The following GCSH variants were observed in gnomAD, a reference collection of about 807,000 sequenced individuals.
GCSH encodes glycine cleavage system protein H, also known as glycine cleavage system H protein, mitochondrial.
Under a neutral mutation model 21.3 loss-of-function variants are expected in GCSH, and 15 were observed. That is an observed-to-expected ratio of 0.70 (90% CI 0.47 to 1.08). The LOEUF (loss-of-function observed/expected upper bound fraction) is 1.08. Among genes scored for constraint, GCSH ranks in the 50% least tolerant of loss-of-function variants. The pLI is 0.00. For synonymous variants in GCSH, 59 were observed against 84.5 expected, an observed-to-expected ratio of 0.70 and a Z score of 1.66; for missense variants, 179 against 217.5, an observed-to-expected ratio of 0.82 and a Z score of 1.11.
At chr16:81,086,903 G>A (rs1373157931) in intron 3 of GCSH, among the ~76,000 whole-genome samples, 1 of 152,160 alleles carries the variant, frequency 6.6e-6, no homozygotes, top group African/African-American at 2.4e-5. Context: ...GTTTATTTAA[G>A]TGTATACATT....
chr16:81,089,031 T>C (rs996928050), intron 2 of GCSH, among the ~76,000 whole-genome samples: 1 of 152,166 alleles, frequency 6.6e-6, no homozygotes, highest in Non-Finnish European at 1.5e-5. Flanking sequence ...CTGGGCCTCA[T>C]AGTAGGTATA....
Position 81,084,470 on chromosome 16 carries a change from A to G in GCSH, c.417T>C (p.Tyr139=), listed in dbSNP as rs773296722. The G allele has an allele frequency of 5.0e-6, 8 of 1,609,302 alleles. No individual in the cohort carries two copies. The highest frequency in any genetic ancestry group is 1.1e-5 in the South Asian group (1 of 90,998). ...ENPGLVNKSC[Y]EDGWLIKMTL... The stretch of plus-strand genomic sequence containing the variant: ...TTTCTAGCAACAGCTTACCATCTTC[A>G]TAACAAGATTTGTTTACAAGTCCTG... Residue 139 remains tyrosine, a synonymous_variant, in exon 4 of 5, where the codon TAT becomes TAC. Coordinates refer to ENST00000315467, the MANE Select transcript of GCSH (RefSeq NM_004483.5).
intron 1 of GCSH, among the ~76,000 whole-genome samples, chr16:81,094,948 C>T (rs1972470785): frequency 1.3e-5 from 2 of 151,956 alleles, no homozygotes. Flanking sequence ...CAAAACTCAG[C>T]TGGAGGTGGT....
At chr16:81,094,784 T>A (rs919208754) in intron 1 of GCSH, among the ~76,000 whole-genome samples, 9 of 150,834 alleles carry the variant, frequency 6.0e-5, no homozygotes, top group African/African-American at 2.2e-4. Context: ...GCAGTCAGTG[T>A]ATCAAACATT....
rs542632695 is a variant in GCSH at position 81,083,827 on chromosome 16, A to G, written c.424+636T>C. 1.2e-4 allele frequency: 19 copies of G among 152,284 alleles called. No individual in the cohort carries two copies. In the East Asian group the frequency reaches 2.5e-3, roughly 20 times the overall value. The allele number at this position is 152,284 out of a possible 1,614,324, so 9.4% of individuals were successfully genotyped here. A position where few individuals can be genotyped will look rare whatever the true frequency, so the allele number is the denominator to read the frequency against. ...AAAACCAAAAATTAATGCAAAATAT[A>G]TATTTTTTTACCTCCCATGTCACAC... On this transcript the variant is annotated intron_variant, in intron 4 of 4. Coordinates refer to ENST00000315467, the MANE Select transcript of GCSH (RefSeq NM_004483.5).
chr16:81,087,210 C>T (rs1473477700), intron 3 of GCSH, among the ~76,000 whole-genome samples: 5 of 151,958 alleles, frequency 3.3e-5, no homozygotes, highest in African/African-American at 1.2e-4. Flanking sequence ...TACTTTTACA[C>T]CAACCTAATA....
intron 2 of GCSH, among the ~76,000 whole-genome samples, chr16:81,090,152 G>A (rs1052582060): frequency 6.0e-5 from 9 of 150,834 alleles, no homozygotes; most frequent in African/African-American, 2.2e-4. Context: ...GTGTAGTGGT[G>A]CAATCTCGGC....
At chr16:81,090,734 C>G in intron 1 of GCSH, 54 bp from the exon 2 acceptor site, 1 of 1,233,626 alleles carries the variant, frequency 8.1e-7, no homozygotes, top group Non-Finnish European at 1.2e-6. Context: ...TCTTAAGAAG[C>G]ACTTTTCATT....
At chr16:81,083,287 G>A (rs1033517753) in intron 4 of GCSH, 16 of 332,586 alleles carry the variant, frequency 4.8e-5, no homozygotes, top group South Asian at 4.0e-4. Context: ...GGAAGCGAAG[G>A]CAAGCAAATC....
At chr16:81,093,197 T>C (rs76321352) in intron 1 of GCSH, among the ~76,000 whole-genome samples, 4,671 of 151,996 alleles carry the variant, frequency 0.031, 194 homozygotes, top group African/African-American at 0.1. Context: ...GGAAAATAGA[T>C]AGTATATAGT....
rs1452867903 is a variant in GCSH, at chr16:81,096,124, C to G, written c.148+7G>C. ...GGAGCAGCCGCCCACGTGCCCGCCG[C>G]GCTTACCCGAGAGCAGAGCGGGTCC... On this transcript the variant is annotated splice_region_variant and intron_variant, in intron 1 of 4. Coordinates refer to ENST00000315467, the MANE Select transcript of GCSH (RefSeq NM_004483.5). 1.6e-6 allele frequency: 2 copies of G among 1,248,210 alleles called. No homozygotes were observed. Among genetic ancestry groups the G allele is most frequent in the Non-Finnish European group, 2.0e-6 (2 of 996,488 alleles). The allele number at this position is 1,248,210 out of a possible 1,614,324, so 77.3% of individuals were successfully genotyped here.
In GCSH at chr16:81,084,452, C is replaced by T; in HGVS notation, c.424+11G>A. 7 of 1,605,020 alleles carry T rather than the reference C, an allele frequency of 4.4e-6. No homozygotes were observed. Among genetic ancestry groups the T allele is most frequent in the Non-Finnish European group, 6.0e-6 (7 of 1,171,818 alleles). Reference sequence around the variant, plus strand: ...TAGTAATTCCTTGAGAAATTTCTAGCAACAGCTTACCATCTTCATAACAAG... The same window carrying T: ...TAGTAATTCCTTGAGAAATTTCTAGTAACAGCTTACCATCTTCATAACAAG... On this transcript the variant is annotated intron_variant, in intron 4 of 4. Transcript: ENST00000315467.
At chr16:81,089,120 G>A (rs927484930) in intron 2 of GCSH, among the ~76,000 whole-genome samples, 5 of 152,204 alleles carry the variant, frequency 3.3e-5, no homozygotes, top group Non-Finnish European at 7.3e-5. Context: ...GTACAGTCAC[G>A]TGCCGCCTAA....
chr16:81,085,437 G>C (rs1361113959), intron 3 of GCSH, among the ~76,000 whole-genome samples: 2 of 152,152 alleles, frequency 1.3e-5, no homozygotes, highest in South Asian at 2.1e-4. Flanking sequence ...ATAACAAATG[G>C]TGATGTGCCT....
intron 3 of GCSH, among the ~76,000 whole-genome samples, chr16:81,085,581 G>A (rs1972256934): frequency 6.6e-6 from 1 of 152,176 alleles, no homozygotes. Flanking sequence ...ACAATTATAA[G>A]CTCTGGGCCA....
intron 3 of GCSH, 92 bp from the exon 4 acceptor site, chr16:81,084,686 G>A (rs975792003): frequency 2.4e-6 from 2 of 836,624 alleles, no homozygotes; most frequent in African/African-American, 1.8e-5. Context: ...CTGTCATACA[G>A]CTATGATTTT....
At chr16:81,089,000 C>A (rs1287536605) in intron 2 of GCSH, among the ~76,000 whole-genome samples, 2 of 152,184 alleles carry the variant, frequency 1.3e-5, no homozygotes, top group African/African-American at 2.4e-5. Context: ...TCTTACACAA[C>A]ATCTCAAAAA....
At chr16:81,085,628 G>A (rs1348839669) in intron 3 of GCSH, among the ~76,000 whole-genome samples, 2 of 152,216 alleles carry the variant, frequency 1.3e-5, no homozygotes, top group Non-Finnish European at 2.9e-5. Context: ...CAGCACTTTG[G>A]AAGACCAAGG....
At chr16:81,086,509 G>A (rs8177922) in intron 3 of GCSH, among the ~76,000 whole-genome samples, 4,264 of 152,022 alleles carry the variant, frequency 0.028, 156 homozygotes, top group African/African-American at 0.088. Context: ...GTGAGCCAAT[G>A]TCGCACCATC....
Sources: gnomAD v4.1 joint callset for allele counts (sites outside exome capture counted in the v4.1 genomes callset) on GRCh38, gnomAD v4.1.1 for gene constraint, MANE v1.5 for transcripts, NCBI Gene and HGNC (gene_info 2026-07-23, HGNC 2026-07-21) for gene names.